The following HGF variants were observed in gnomAD, a reference collection of about 807,000 sequenced individuals.
The protein encoded by HGF is fibroblast-derived tumor cytotoxic factor.
Under a neutral mutation model 111.6 loss-of-function variants are expected in HGF, and 39 were observed. The observed-to-expected ratio is 0.35, with a 90% CI of 0.27 to 0.46. The LOEUF is 0.46. Among genes scored for constraint, HGF ranks in the 20% least tolerant of loss-of-function variants. The pLI is 1.00. For synonymous variants in HGF, 285 were observed against 294.8 expected (o/e 0.97, Z 0.34); for missense variants, 735 against 910.5 (o/e 0.81, Z 2.48).
At position 81,701,619 on chromosome 7, in the gene HGF, A is replaced by C. The variant is rs1789281060; in HGVS notation, c.*962T>G. ...AATTAGATACTGATCTGAGCACTTAAGAAATGCTTTAGGAAAATAGATCTA... is the reference window on the plus strand; with the variant it reads ...AATTAGATACTGATCTGAGCACTTACGAAATGCTTTAGGAAAATAGATCTA... On this transcript the variant is annotated 3_prime_UTR_variant, in exon 18 of 18. Transcript: ENST00000222390. The C allele has an allele frequency of 6.6e-6, 1 of 151,622 alleles. No individual in the cohort carries two copies. Among genetic ancestry groups the C allele is most frequent in the Non-Finnish European group, 1.5e-5 (1 of 67,672 alleles). 9.4% of individuals were successfully genotyped at this position (151,622 alleles called of 1,614,324 possible). A position where few individuals can be genotyped will look rare whatever the true frequency, so the allele number is the denominator to read the frequency against.
At chr7:81,731,358 A>AGTAATTG (rs1787649262) in intron 7 of HGF, among the ~76,000 whole-genome samples, 7 of 152,322 alleles carry the variant, frequency 4.6e-5, no homozygotes, top group Admixed American at 4.6e-4. Context: ...CTTAAAAAGA[A>AGTAATTG]ACTCAAATGA....
chr7:81,714,508 A>G (rs191155951), intron 11 of HGF, among the ~76,000 whole-genome samples: 2 of 152,254 alleles, frequency 1.3e-5, no homozygotes, highest in Non-Finnish European at 2.9e-5. Context: ...CAAGGTACTT[A>G]AAAGTGATGG....
intron 1 of HGF, among the ~76,000 whole-genome samples, chr7:81,765,078 A>T (rs1789292035): frequency 6.6e-6 from 1 of 152,068 alleles, no homozygotes; most frequent in Non-Finnish European, 1.5e-5. Flanking sequence ...AGTTGGCCTG[A>T]TATATAATCT....
intron 7 of HGF, among the ~76,000 whole-genome samples, chr7:81,741,080 A>C (rs1011275226): frequency 6.6e-6 from 1 of 152,220 alleles, no homozygotes; most frequent in Non-Finnish European, 1.5e-5. Flanking sequence ...ATAAAACATT[A>C]TCTCTTATGG....
In HGF at chr7:81,744,013, A is replaced by T. The variant is rs575851588; in HGVS notation, c.747-542T>A. On this transcript the variant is annotated intron_variant, in intron 6 of 17. Transcript: ENST00000222390. ...AACAGAGTCCTGAATTGGTGACTTG[A>T]TTTTAATTGCTACCATATCCCTTCT... Among the ~76,000 whole-genome samples, 85 of 152,228 alleles carry T rather than the reference A, an allele frequency of 5.6e-4. 1 individual carries two copies. The highest frequency in any genetic ancestry group is 3.2e-4 in the Non-Finnish European group (22 of 67,998).
At chr7:81,702,869 CTG>C (rs1363208756) in intron 17 of HGF, 112 bp from the exon 18 acceptor site, 2 of 853,256 alleles carry the variant, frequency 2.3e-6, no homozygotes, top group Non-Finnish European at 3.8e-6. Context: ...AAGAGAATAA[CTG>C]CAACTGAAAT....
chr7:81,743,898 G>A (rs191429527), intron 6 of HGF, among the ~76,000 whole-genome samples: 1 of 152,128 alleles, frequency 6.6e-6, no homozygotes, highest in African/African-American at 2.4e-5. Context: ...TTTGGAAATA[G>A]AGCCCTTCGA....
chr7:81,754,787 C>A (rs1273460475), intron 4 of HGF, among the ~76,000 whole-genome samples: 3 of 151,900 alleles, frequency 2.0e-5, no homozygotes, highest in Non-Finnish European at 2.9e-5. Flanking sequence ...CCATATTTGA[C>A]CAAGGGATGA....
At chr7:81,733,182 C>T (rs553255530) in intron 7 of HGF, among the ~76,000 whole-genome samples, 1 of 151,780 alleles carries the variant, frequency 6.6e-6, no homozygotes, top group Non-Finnish European at 1.5e-5. Context: ...TAAATAAAAA[C>T]CCAAATGCTG....
intron 10 of HGF, among the ~76,000 whole-genome samples, chr7:81,720,502 A>G (rs1202874448): frequency 6.6e-6 from 1 of 152,206 alleles, no homozygotes; most frequent in Non-Finnish European, 1.5e-5. Context: ...CCATGGTACC[A>G]ATTACAGTAC....
rs5745743 is a variant in HGF, at chr7:81,707,578, A to C, written c.1542-214T>G. Among the ~76,000 whole-genome samples, 1,429 of 152,260 alleles carry C rather than the reference A, an allele frequency of 9.4e-3. 30 individuals are homozygous for C. Among genetic ancestry groups the C allele is most frequent in the African/African-American group, 0.033 (1,368 of 41,568 alleles). On this transcript the variant is annotated intron_variant, in intron 13 of 17. Coordinates refer to ENST00000222390, the MANE Select transcript of HGF (RefSeq NM_000601.6). ...GCTTTTTTTTCATAATGTGACTATA[A>C]ATTTATGAAATCAATTTGACTTTTG... is the stretch of plus-strand genomic sequence containing the variant.
At position 81,705,740 on chromosome 7, in the gene HGF, C is replaced by A. The variant is rs1232221701; in HGVS notation, c.1771G>T (p.Asp591Tyr). Reference protein sequence around the residue: ...LMKLARPAVLDDFVSTIDLPN... With the variant: ...LMKLARPAVLYDFVSTIDLPN... ...AAATCAATCGTACTAACAAAATCAT[C>A]CAGGACAGCAGGCCTGAAAACACAA... Residue 591 changes from aspartate to tyrosine, a missense_variant, in exon 16 of 18, where the codon GAT becomes TAT. Asp to Tyr is a radical substitution (Grantham distance 160, BLOSUM62 -3). Around this residue, in one of 3 missense-constraint regions of HGF, gnomAD observed 130 missense variants for 129.9 expected, o/e 1.00. Coordinates refer to ENST00000222390, the MANE Select transcript of HGF (RefSeq NM_000601.6). 1 of 1,608,788 alleles carries A rather than the reference C, an allele frequency of 6.2e-7. No homozygotes were observed. The highest frequency in any genetic ancestry group is 1.1e-5 in the South Asian group (1 of 90,962).
intron 5 of HGF, among the ~76,000 whole-genome samples, chr7:81,749,086 T>C (rs944852610): frequency 2.0e-5 from 3 of 152,154 alleles, no homozygotes; most frequent in African/African-American, 7.2e-5. Flanking sequence ...AATTAACATA[T>C]ATAAATAAAA....
At chr7:81,726,897 G>T (rs189532290) in intron 8 of HGF, among the ~76,000 whole-genome samples, 2 of 151,850 alleles carry the variant, frequency 1.3e-5, no homozygotes, top group Non-Finnish European at 2.9e-5. Flanking sequence ...ATAAGTAGGT[G>T]CTTTCATTTC....
chr7:81,714,534 G>A (rs891321501), intron 11 of HGF, among the ~76,000 whole-genome samples: 1 of 152,026 alleles, frequency 6.6e-6, no homozygotes, highest in Admixed American at 6.6e-5. Context: ...GCATTCTTAG[G>A]AAGTCTGGAT....
intron 2 of HGF, among the ~76,000 whole-genome samples, chr7:81,762,096 A>G (rs1008651161): frequency 9.9e-5 from 15 of 152,120 alleles, no homozygotes; most frequent in African/African-American, 3.4e-4. Flanking sequence ...ATTCTTCCCT[A>G]TGAGGTCACA....
chr7:81,732,909 C>T (rs1787713518), intron 7 of HGF, among the ~76,000 whole-genome samples: 1 of 152,112 alleles, frequency 6.6e-6, no homozygotes, highest in Non-Finnish European at 1.5e-5. Context: ...GAAAATAGTT[C>T]ACTGCTGATT....
At chr7:81,767,866 A>T (rs971428472) in intron 1 of HGF, among the ~76,000 whole-genome samples, 10 of 152,214 alleles carry the variant, frequency 6.6e-5, no homozygotes, top group Non-Finnish European at 1.2e-4. Flanking sequence ...AATGTCATTT[A>T]AAAAAGAACA....
chr7:81,741,024 A>G (rs1787981791), intron 7 of HGF, among the ~76,000 whole-genome samples: 1 of 152,250 alleles, frequency 6.6e-6, no homozygotes, highest in South Asian at 2.1e-4. Flanking sequence ...GTTTTGCATT[A>G]TAGGCTTTAC....
Sources: allele counts gnomAD v4.1 joint callset (sites outside exome capture counted in the v4.1 genomes callset), GRCh38; gene constraint gnomAD v4.1.1; regional missense constraint gnomAD v4.1.1; transcripts MANE v1.5; gene names NCBI Gene and HGNC (gene_info 2026-07-23, HGNC 2026-07-21).